KIAA0825: variants seen among roughly 807,000 people sequenced by gnomAD.
KIAA0825 encodes uncharacterized protein KIAA0825.
KIAA0825 carries 119 observed loss-of-function variants against 147.6 expected under a neutral mutation model. The observed-to-expected ratio is 0.81, with a 90% CI of 0.69 to 0.94. The LOEUF (loss-of-function observed/expected upper bound fraction) is 0.94. Ranked by LOEUF, KIAA0825 falls within the 40% of genes least tolerant of loss-of-function variation. The probability of loss-of-function intolerance (pLI) is 0.00; values close to 1 mark genes in which losing one functional copy is unlikely to be tolerated. For synonymous variants in KIAA0825, 470 were observed against 518.1 expected, an observed-to-expected ratio of 0.91 and a Z score of 1.26; for missense variants, 1,381 against 1,472.7, an observed-to-expected ratio of 0.94 and a Z score of 1.02.
At chr5:94,391,832 C>T (rs1411345567) in intron 17 of KIAA0825, 138 bp from the exon 18 acceptor site, 4 of 692,850 alleles carry the variant, frequency 5.8e-6, no homozygotes, top group Non-Finnish European at 9.1e-6. Flanking sequence ...AATAGGTAAG[C>T]CTTCCCAAAC....
intron 20 of KIAA0825, among the ~76,000 whole-genome samples, chr5:94,246,683 G>A (rs1021667207): frequency 6.6e-6 from 1 of 152,128 alleles, no homozygotes; most frequent in Non-Finnish European, 1.5e-5. Flanking sequence ...TATGAGTTAT[G>A]TCCCATAATT....
At chr5:94,599,049 G>C (rs1031864051) in intron 1 of KIAA0825, among the ~76,000 whole-genome samples, 1 of 152,058 alleles carries the variant, frequency 6.6e-6, no homozygotes, top group Non-Finnish European at 1.5e-5. Context: ...TTAGAAAGCT[G>C]AATACTGTTT....
intron 20 of KIAA0825, among the ~76,000 whole-genome samples, chr5:94,307,573 T>C (rs1464087623): frequency 2.0e-5 from 3 of 151,720 alleles, no homozygotes; most frequent in Non-Finnish European, 4.4e-5. Flanking sequence ...CAAAATGCGA[T>C]ATGCTTTTTT....
At chr5:94,195,954 G>C (rs1379984944) in intron 20 of KIAA0825, among the ~76,000 whole-genome samples, 1 of 152,092 alleles carries the variant, frequency 6.6e-6, no homozygotes, top group Non-Finnish European at 1.5e-5. Context: ...CCAATTCTGT[G>C]CCCTGCAGCC....
chr5:94,523,214 C>CT (rs1250627656), intron 4 of KIAA0825, among the ~76,000 whole-genome samples: 1 of 151,562 alleles, frequency 6.6e-6, no homozygotes, highest in African/African-American at 2.4e-5. Context: ...AAAACAGTGC[C>CT]TTTTTTTCCC....
intron 20 of KIAA0825, among the ~76,000 whole-genome samples, chr5:94,251,186 T>C (rs1775940513): frequency 6.6e-6 from 1 of 152,072 alleles, no homozygotes; most frequent in Non-Finnish European, 1.5e-5. Flanking sequence ...GTTGATTTGA[T>C]AGAAGCACAC....
intron 2 of KIAA0825, among the ~76,000 whole-genome samples, chr5:94,544,040 C>G (rs1045356152): frequency 6.6e-6 from 1 of 152,202 alleles, no homozygotes; most frequent in Admixed American, 6.5e-5. Flanking sequence ...TTTCTTAATA[C>G]ACTTGCTTTC....
At chr5:94,293,010 T>C (rs1018086520) in intron 20 of KIAA0825, among the ~76,000 whole-genome samples, 1 of 152,142 alleles carries the variant, frequency 6.6e-6, no homozygotes, top group Admixed American at 6.5e-5. Flanking sequence ...CTTTTTTTCT[T>C]TATTAGTCTG....
At chr5:94,391,447 C>T in intron 18 of KIAA0825, 88 bp downstream of exon 18, 1 of 1,292,288 alleles carries the variant, frequency 7.7e-7, no homozygotes, top group Non-Finnish European at 1.1e-6. Flanking sequence ...GAAGTATTAT[C>T]ACCTCCTTGA....
At chr5:94,556,517 TC>T (rs546601641) in intron 2 of KIAA0825, among the ~76,000 whole-genome samples, 77 of 152,346 alleles carry the variant, frequency 5.1e-4, no homozygotes, top group Middle Eastern at 6.8e-3. Flanking sequence ...TTTAAAAATT[TC>T]TCCTAAAATG....
At position 94,561,659 on chromosome 5, in the gene KIAA0825, T is replaced by C. The variant is rs1198773550; in HGVS notation, c.-2+20774A>G. 3.3e-5 allele frequency among the ~76,000 whole-genome samples: 5 copies of C among 152,224 alleles called. No homozygotes were observed. The South Asian group carries it at 6.2e-4, about 19-fold the overall frequency. On this transcript the variant is annotated intron_variant, in intron 2 of 20. Transcript: ENST00000682413. ...CATTTCACTACTCTGCTTAAATAAA[T>C]AAACACAGGATTTTCCACAATGCAT...
At chr5:94,614,583 A>G (rs1339254327) in intron 1 of KIAA0825, among the ~76,000 whole-genome samples, 2 of 152,198 alleles carry the variant, frequency 1.3e-5, no homozygotes, top group Non-Finnish European at 2.9e-5. Flanking sequence ...GTTTTCTGAC[A>G]CCTTTGCATC....
At chr5:94,571,395 G>A (rs1779946536) in intron 2 of KIAA0825, among the ~76,000 whole-genome samples, 1 of 152,198 alleles carries the variant, frequency 6.6e-6, no homozygotes, top group African/African-American at 2.4e-5. Context: ...CAGTAATACT[G>A]ACGTACAACT....
At chr5:94,567,000 T>G (rs181761183) in intron 2 of KIAA0825, among the ~76,000 whole-genome samples, 10 of 152,326 alleles carry the variant, frequency 6.6e-5, no homozygotes, top group Admixed American at 5.2e-4. Context: ...ATTTAAGTGC[T>G]GCAAAACCAT....
rs1371836210 is a variant in KIAA0825, at chr5:94,574,461, G to A, written c.-2+7972C>T. ...CAGGAGGCTGAGGCAGGAGCATCGCGTGAACCCGGGATGGGGAGGTTGCGG... is the reference window on the plus strand; with the variant it reads ...CAGGAGGCTGAGGCAGGAGCATCGCATGAACCCGGGATGGGGAGGTTGCGG... On this transcript the variant is annotated intron_variant, in intron 2 of 20. Coordinates refer to ENST00000682413, the MANE Select transcript of KIAA0825 (RefSeq NM_001145678.3). Among the ~76,000 whole-genome samples the A allele has an allele frequency of 2.0e-5, 3 of 149,802 alleles. No individual in the cohort carries two copies. In the East Asian group the frequency reaches 5.9e-4, roughly 30 times the overall value.
intron 12 of KIAA0825, among the ~76,000 whole-genome samples, chr5:94,461,049 A>C (rs1420237610): frequency 2.0e-5 from 3 of 152,010 alleles, no homozygotes; most frequent in East Asian, 1.9e-4. Context: ...GTTACAGTGC[A>C]ATATCTAATG....
chr5:94,593,139 A>G (rs1360747979), intron 1 of KIAA0825: 1 of 747,258 alleles, frequency 1.3e-6, no homozygotes, highest in African/African-American at 1.7e-5. Context: ...TATACATCAC[A>G]CAACAGTTTG....
intron 20 of KIAA0825, among the ~76,000 whole-genome samples, chr5:94,157,945 A>G (rs866775508): frequency 6.6e-6 from 1 of 152,140 alleles, no homozygotes; most frequent in South Asian, 2.1e-4. Flanking sequence ...AGCAGCCAAC[A>G]CCAGACAGAT....
chr5:94,595,746 A>G (rs575780497), intron 1 of KIAA0825, among the ~76,000 whole-genome samples: 45 of 152,260 alleles, frequency 3.0e-4, no homozygotes, highest in African/African-American at 1.1e-3. Context: ...ATTCCAAACC[A>G]TCTTTCTGTG....
Sources: gnomAD v4.1 joint callset for allele counts (sites outside exome capture counted in the v4.1 genomes callset) on GRCh38, gnomAD v4.1.1 for gene constraint, MANE v1.5 for transcripts, NCBI Gene and HGNC (gene_info 2026-07-23, HGNC 2026-07-21) for gene names.